The following RBFOX1 variants were observed in gnomAD, a reference collection of about 807,000 sequenced individuals.
The protein encoded by RBFOX1 is RNA binding protein fox-1 homolog 1.
RBFOX1 carries 8 observed loss-of-function variants against 57.7 expected under a neutral mutation model. The observed-to-expected ratio is 0.14, with a 90% confidence interval of 0.08 to 0.25. RBFOX1 has a LOEUF of 0.25. Ranked by LOEUF, RBFOX1 falls within the 10% of genes least tolerant of loss-of-function variation. The pLI is 1.00. For missense variants in RBFOX1, 611 were observed against 548.5 expected (o/e 1.11, Z -1.14); for synonymous variants, 326 against 222.4 (o/e 1.47, Z -4.15).
At chr16:6,204,803 G>C (rs574757111) in intron 1 of RBFOX1, among the ~76,000 whole-genome samples, 13 of 152,104 alleles carry the variant, frequency 8.5e-5, no homozygotes, top group Non-Finnish European at 2.9e-5. Context: ...CACGTTGTGT[G>C]TGTGTGCCTG....
At chr16:6,679,987 C>T (rs1366036658) in intron 3 of RBFOX1, among the ~76,000 whole-genome samples, 1 of 146,066 alleles carries the variant, frequency 6.8e-6, no homozygotes, top group African/African-American at 2.6e-5. Flanking sequence ...ACAGGCAAGA[C>T]AGGATGGTTG....
chr16:7,304,229 A>C (rs1449671004), intron 4 of RBFOX1: 23 of 982,978 alleles, frequency 2.3e-5, no homozygotes, highest in Non-Finnish European at 3.6e-6. Context: ...AGAGAGAGAG[A>C]GAGAGAGAGA....
chr16:7,402,872 G>T (rs1346701417), intron 4 of RBFOX1, among the ~76,000 whole-genome samples: 1 of 152,188 alleles, frequency 6.6e-6, no homozygotes, highest in Admixed American at 6.5e-5. Context: ...AACTCATTCA[G>T]TCCTAGACAT....
chr16:5,455,469 C>G (rs2068601654), intron 1 of RBFOX1, among the ~76,000 whole-genome samples: 1 of 152,116 alleles, frequency 6.6e-6, no homozygotes, highest in South Asian at 2.1e-4. Context: ...GGAGGGGTAT[C>G]AAATCATTTA....
At chr16:5,339,301 A>G (rs1180838252) in intron 1 of RBFOX1, among the ~76,000 whole-genome samples, 4 of 151,954 alleles carry the variant, frequency 2.6e-5, no homozygotes, top group African/African-American at 7.3e-5. Context: ...TGCATGAGAT[A>G]TGATTGTACT....
At chr16:5,820,050 G>T (rs1284039895) in intron 3 of RBFOX1, among the ~76,000 whole-genome samples, 1 of 152,178 alleles carries the variant, frequency 6.6e-6, no homozygotes, top group Non-Finnish European at 1.5e-5. Flanking sequence ...TGACTTTACT[G>T]CACACTCACT....
At position 7,020,314 on chromosome 16, in the gene RBFOX1, C is replaced by G. The variant is rs115373817; in HGVS notation, c.-15-31743C>G. On this transcript the variant is annotated intron_variant, in intron 3 of 15. Transcript: ENST00000550418. ...AGTCTTGGCTCACTGCAACCTCTGTCCGCCAGGTTCAAGTGATTCTCCTGC... is the reference window on the plus strand; with the variant it reads ...AGTCTTGGCTCACTGCAACCTCTGTGCGCCAGGTTCAAGTGATTCTCCTGC... Among the ~76,000 whole-genome samples, 1,035 of 152,236 alleles carry G rather than the reference C, an allele frequency of 6.8e-3. 8 individuals are homozygous for G. Among genetic ancestry groups the G allele is most frequent in the African/African-American group, 0.023 (971 of 41,550 alleles).
Position 6,137,606 on chromosome 16 carries a change from ATTTTTTTT to A in RBFOX1, c.-127+117634_-127+117641del, listed in dbSNP as rs57190040. Among the ~76,000 whole-genome samples, 116 of 98,356 alleles carry A rather than the reference ATTTTTTTT, an allele frequency of 1.2e-3. No individual in the cohort carries two copies. The East Asian group carries it at 0.021, about 18-fold the overall frequency. The allele number at this position is 98,356 out of a possible 152,430, so 64.5% of individuals were successfully genotyped here. A position where few individuals can be genotyped will look rare whatever the true frequency, so the allele number is the denominator to read the frequency against. ...TAGGTGTGAGGCACTGCGCCTGGTCATTTTTTTTTTTTTTTTTTTTTTTTTTTGACAGG... is the reference window on the plus strand; with the variant it reads ...TAGGTGTGAGGCACTGCGCCTGGTCATTTTTTTTTTTTTTTTTTTGACAGG... On this transcript the variant is annotated intron_variant, in intron 1 of 15. Transcript: ENST00000550418.
At chr16:6,173,982 G>A (rs985944866) in intron 1 of RBFOX1, among the ~76,000 whole-genome samples, 41 of 152,138 alleles carry the variant, frequency 2.7e-4, no homozygotes, top group African/African-American at 8.9e-4. Flanking sequence ...CAGTGATCTC[G>A]AAACCTTGGA....
At chr16:7,166,787 A>T (rs1035496979) in intron 4 of RBFOX1, among the ~76,000 whole-genome samples, 7 of 152,132 alleles carry the variant, frequency 4.6e-5, no homozygotes, top group African/African-American at 1.7e-4. Context: ...CAGGACAGAC[A>T]GCCAAAGGAG....
At chr16:6,822,206 C>A (rs993601619) in intron 3 of RBFOX1, among the ~76,000 whole-genome samples, 2 of 152,132 alleles carry the variant, frequency 1.3e-5, no homozygotes, top group African/African-American at 4.8e-5. Flanking sequence ...GGTTGGATGA[C>A]AGTCAGTTTG....
In RBFOX1 at chr16:7,710,697, G is replaced by T. The variant is rs756984329; in HGVS notation, c.1146G>T (p.Leu382Phe). The stretch of plus-strand genomic sequence containing the variant: ...ATGTGGGTCTCGTTCTTTCTTCATT[G>T]CAGGCTAGTATATACCGAGGGGGAT... Reference protein sequence around the residue: ...ADDVGLVLSSLQASIYRGGYN... With the variant: ...ADDVGLVLSSFQASIYRGGYN... Residue 382 changes from leucine (L) to phenylalanine (F), a missense_variant, in exon 16 of 16, where the codon TTG becomes TTT. This residue lies in a region of RBFOX1 where 267 missense variants were observed against 229.1 expected (regional missense o/e 1.17). Coordinates refer to ENST00000550418, the MANE Select transcript of RBFOX1 (RefSeq NM_018723.4). The T allele has an allele frequency of 4.3e-6, 7 of 1,612,764 alleles. No homozygotes were observed. The highest frequency in any genetic ancestry group is 5.1e-6 in the Non-Finnish European group (6 of 1,179,256).
intron 4 of RBFOX1, among the ~76,000 whole-genome samples, chr16:7,469,467 C>G (rs958109298): frequency 2.6e-5 from 4 of 152,196 alleles, no homozygotes; most frequent in Non-Finnish European, 4.4e-5. Flanking sequence ...TACAATGGCA[C>G]GCTTTTCTTG....
intron 1 of RBFOX1, among the ~76,000 whole-genome samples, chr16:6,082,569 C>T (rs2096020064): frequency 6.6e-6 from 1 of 151,750 alleles, no homozygotes; most frequent in African/African-American, 2.4e-5. Flanking sequence ...TAAGGGCTAA[C>T]AGCCCTTAGC....
chr16:5,949,923 C>T (rs925127289), intron 4 of RBFOX1, among the ~76,000 whole-genome samples: 3 of 152,302 alleles, frequency 2.0e-5, no homozygotes, highest in African/African-American at 7.2e-5. Flanking sequence ...TAATCTGGGC[C>T]TCTCTGACTG....
intron 2 of RBFOX1, among the ~76,000 whole-genome samples, chr16:6,540,069 C>G (rs760396926): frequency 2.6e-5 from 4 of 152,080 alleles, no homozygotes; most frequent in Non-Finnish European, 5.9e-5. Context: ...CGTGACTTGA[C>G]TTTGATGAAA....
intron 4 of RBFOX1, among the ~76,000 whole-genome samples, chr16:7,426,907 A>T (rs1473480106): frequency 2.0e-5 from 3 of 152,198 alleles, no homozygotes; most frequent in South Asian, 2.1e-4. Context: ...TCTGTGGCAG[A>T]TACACACCAT....
intron 3 of RBFOX1, among the ~76,000 whole-genome samples, chr16:6,979,780 C>A (rs1598994800): frequency 6.6e-6 from 1 of 152,216 alleles, no homozygotes; most frequent in African/African-American, 2.4e-5. Flanking sequence ...AAAATCATCT[C>A]AGTGGGTATT....
At chr16:7,324,143 C>T (rs755747447) in intron 4 of RBFOX1, among the ~76,000 whole-genome samples, 2 of 152,112 alleles carry the variant, frequency 1.3e-5, no homozygotes, top group Admixed American at 6.6e-5. Flanking sequence ...CTCATTTGTC[C>T]GTGGTGTCCT....
Sources: gnomAD v4.1 joint callset for allele counts (sites outside exome capture counted in the v4.1 genomes callset) on GRCh38, gnomAD v4.1.1 for gene constraint, gnomAD v4.1.1 regional missense constraint, MANE v1.5 for transcripts, NCBI Gene and HGNC (gene_info 2026-07-23, HGNC 2026-07-21) for gene names.